DPP10: variants seen among roughly 807,000 people sequenced by gnomAD.
DPP10 encodes the protein inactive dipeptidyl peptidase 10.
DPP10 carries 33 observed loss-of-function variants against 120.9 expected under a neutral mutation model. That is an observed-to-expected ratio of 0.27 (90% CI 0.21 to 0.37). DPP10 has a LOEUF of 0.37. Among genes scored for constraint, DPP10 ranks in the 10% least tolerant of loss-of-function variants. The pLI is 1.00. For missense variants in DPP10, 816 were observed against 942.8 expected (o/e 0.87, Z 1.76); for synonymous variants, 337 against 326.1 (o/e 1.03, Z -0.36).
intron 5 of DPP10, among the ~76,000 whole-genome samples, chr2:115,620,221 G>C (rs1353451281): frequency 6.6e-6 from 1 of 152,120 alleles, no homozygotes; most frequent in South Asian, 2.1e-4. Flanking sequence ...GACTTTCCAC[G>C]TGATCTTTCT....
At chr2:114,620,746 G>A (rs929023489) in intron 1 of DPP10, among the ~76,000 whole-genome samples, 1 of 151,996 alleles carries the variant, frequency 6.6e-6, no homozygotes, top group Admixed American at 6.6e-5. Flanking sequence ...CTGCCCTTCA[G>A]CCCCACTGCA....
intron 1 of DPP10, among the ~76,000 whole-genome samples, chr2:114,728,832 T>C (rs1356487920): frequency 6.6e-6 from 1 of 152,190 alleles, no homozygotes; most frequent in African/African-American, 2.4e-5. Flanking sequence ...TGAGGCAAAA[T>C]CTGTTAGGTA....
intron 2 of DPP10, among the ~76,000 whole-genome samples, chr2:115,336,541 G>C (rs1261670622): frequency 6.7e-6 from 1 of 149,940 alleles, no homozygotes; most frequent in Non-Finnish European, 1.5e-5. Context: ...TAGGTTTTCA[G>C]ACTTTCATAC....
chr2:115,017,386 C>T (rs1000386881), intron 1 of DPP10, among the ~76,000 whole-genome samples: 3 of 151,972 alleles, frequency 2.0e-5, no homozygotes, highest in Admixed American at 6.6e-5. Context: ...GAAATAGGAA[C>T]ACTTTTACAC....
At chr2:115,816,857 C>T (rs1420266035) in intron 21 of DPP10, among the ~76,000 whole-genome samples, 12 of 150,426 alleles carry the variant, frequency 8.0e-5, no homozygotes, top group African/African-American at 1.5e-4. Context: ...CCTCGTGATC[C>T]GCCTGCCTTG....
intron 2 of DPP10, among the ~76,000 whole-genome samples, chr2:115,340,834 A>G (rs917750565): frequency 2.0e-5 from 3 of 151,948 alleles, no homozygotes; most frequent in Non-Finnish European, 4.4e-5. Flanking sequence ...TCTCTCACTG[A>G]AATAAGTACA....
At chr2:115,294,757 T>A (rs1237494220) in intron 1 of DPP10, among the ~76,000 whole-genome samples, 1 of 152,110 alleles carries the variant, frequency 6.6e-6, no homozygotes, top group Non-Finnish European at 1.5e-5. Flanking sequence ...ATTCTCAGAA[T>A]GCTTTTATGA....
At chr2:115,251,730 C>T (rs1305285471) in intron 1 of DPP10, among the ~76,000 whole-genome samples, 2 of 151,980 alleles carry the variant, frequency 1.3e-5, no homozygotes, top group Non-Finnish European at 2.9e-5. Flanking sequence ...AATCTGAACC[C>T]CAAGCATAAT....
chr2:115,306,131 G>A (rs1439889600), intron 1 of DPP10, among the ~76,000 whole-genome samples: 1 of 152,020 alleles, frequency 6.6e-6, no homozygotes, highest in Admixed American at 6.6e-5. Flanking sequence ...AAGTGTGTTT[G>A]CAGTCTCCTA....
intron 1 of DPP10, among the ~76,000 whole-genome samples, chr2:115,022,799 G>C (rs1196960624): frequency 6.6e-6 from 1 of 151,954 alleles, no homozygotes. Context: ...GTATGAAAAA[G>C]GGACAGAGAC....
chr2:115,554,001 TCACACA>T (rs71881888), intron 5 of DPP10, among the ~76,000 whole-genome samples: 4,606 of 135,530 alleles, frequency 0.034, 112 homozygotes, highest in African/African-American at 0.071. Context: ...TCTCTCTCTT[TCACACA>T]CACACACACA....
chr2:115,650,931 C>T (rs574747301), intron 5 of DPP10, among the ~76,000 whole-genome samples: 1 of 151,980 alleles, frequency 6.6e-6, no homozygotes, highest in Non-Finnish European at 1.5e-5. Context: ...GACAGAATTT[C>T]TCCACATTTC....
At chr2:114,927,422 A>G (rs1169686801) in intron 1 of DPP10, among the ~76,000 whole-genome samples, 3 of 152,094 alleles carry the variant, frequency 2.0e-5, no homozygotes, top group Non-Finnish European at 2.9e-5. Context: ...GACATCAATC[A>G]ATATATGTAA....
chr2:115,183,598 G>C (rs1159769250), intron 1 of DPP10, among the ~76,000 whole-genome samples: 2 of 152,170 alleles, frequency 1.3e-5, no homozygotes, highest in Non-Finnish European at 2.9e-5. Context: ...TTGAAATTTA[G>C]GAGAGGGTTC....
chr2:114,775,777 G>A (rs115668757), intron 1 of DPP10, among the ~76,000 whole-genome samples: 3 of 152,254 alleles, frequency 2.0e-5, no homozygotes, highest in Non-Finnish European at 4.4e-5. Context: ...GTCAAGAAGT[G>A]TCTTATTAAT....
At chr2:114,750,988 G>A (rs1276842937) in intron 1 of DPP10, among the ~76,000 whole-genome samples, 1 of 151,884 alleles carries the variant, frequency 6.6e-6, no homozygotes, top group Non-Finnish European at 1.5e-5. Context: ...ATTGCTTTGC[G>A]GGTATACAGA....
chr2:114,805,145 C>T (rs1452506944), intron 1 of DPP10, among the ~76,000 whole-genome samples: 1 of 152,174 alleles, frequency 6.6e-6, no homozygotes, highest in Non-Finnish European at 1.5e-5. Flanking sequence ...AAGTGCCTTT[C>T]ACCTCCTGCC....
intron 1 of DPP10, among the ~76,000 whole-genome samples, chr2:115,267,422 TG>T (rs2059506124): frequency 6.6e-6 from 1 of 152,166 alleles, no homozygotes; most frequent in African/African-American, 2.4e-5. Context: ...AGCAGGGACT[TG>T]TTTTTAGGAA....
At chr2:115,681,625 A>G (rs2090657970) in intron 5 of DPP10, among the ~76,000 whole-genome samples, 1 of 151,724 alleles carries the variant, frequency 6.6e-6, no homozygotes, top group Non-Finnish European at 1.5e-5. Context: ...ACATTTGGAT[A>G]TATATTATTT....
Sources: gnomAD v4.1 joint callset for allele counts (sites outside exome capture counted in the v4.1 genomes callset) on GRCh38, gnomAD v4.1.1 for gene constraint, MANE v1.5 for transcripts, NCBI Gene and HGNC (gene_info 2026-07-23, HGNC 2026-07-21) for gene names.